Variants in OR52K1 observed in about 807,000 individuals in gnomAD.
OR52K1 encodes the protein olfactory receptor family 52 subfamily K member 1.
A neutral mutation model predicts 8.7 loss-of-function variants in OR52K1; 10 were observed. The ratio of observed to expected loss-of-function variants is 1.15; its 90% CI spans 0.71 to 1.95. OR52K1 has a LOEUF of 1.95. OR52K1 is among the 30% of genes most tolerant of loss of function. The pLI is 0.00. For synonymous variants in OR52K1, 203 were observed against 148.5 expected (o/e 1.37, Z -2.67); for missense variants, 431 against 397.2 (o/e 1.08, Z -0.72).
Position 4,489,401 on chromosome 11 carries a change from C to T in OR52K1, c.501C>T (p.Arg167=), listed in dbSNP as rs142554979. 6.8e-4 allele frequency: 1,101 copies of T among 1,614,172 alleles called. 11 individuals are homozygous for T. In the African/African-American group the frequency reaches 0.013, roughly 18 times the overall value. The change falls in exon 2 of 2, where the codon CGC becomes CGT. Residue 167 remains arginine (R), a synonymous_variant. Coordinates refer to ENST00000641528, the MANE Select transcript of OR52K1 (RefSeq NM_001005171.3). ...LMTPLPFLLR[R]FHYCRGPVIA... is the part of the protein sequence containing the mutation. The stretch of plus-strand genomic sequence containing the variant: ...CTCCACTCCCCTTCCTGCTCAGACG[C>T]TTCCACTACTGCCGAGGCCCAGTGA...
rs1013375166 is a variant in OR52K1 at position 4,491,974 on chromosome 11, A to T, written c.*2129A>T. On this transcript the variant is annotated 3_prime_UTR_variant, in exon 2 of 2. Transcript: ENST00000641528. Reference sequence around the variant, plus strand: ...TGGTGCAAAGATCGAATGGAAAGGAACAGAAAGACAAGAAGTTGCCTGGTC... The same window carrying T: ...TGGTGCAAAGATCGAATGGAAAGGATCAGAAAGACAAGAAGTTGCCTGGTC... The T allele has an allele frequency of 3.3e-5, 5 of 152,160 alleles. No homozygotes were observed. The highest frequency in any genetic ancestry group is 1.2e-4 in the African/African-American group (5 of 41,424). The allele number at this position is 152,160 out of a possible 1,614,324, so 9.4% of individuals were successfully genotyped here. A position where few individuals can be genotyped will look rare whatever the true frequency, so the allele number is the denominator to read the frequency against.
Position 4,489,760 on chromosome 11 carries a change from C to A in OR52K1, c.860C>A (p.Pro287His), listed in dbSNP as rs1280602964. ...GCTATTTTCTATCTCCTTTTCCCAC[C>A]CATGGTCAATCCTATCATATATGGA... ...LLAIFYLLFP[P>H]MVNPIIYGVK... Residue 287 changes from proline to histidine, a missense_variant, in exon 2 of 2, where the codon CCC becomes CAC. Coordinates refer to ENST00000641528, the MANE Select transcript of OR52K1 (RefSeq NM_001005171.3). The A allele has an allele frequency of 6.2e-7, 1 of 1,614,128 alleles. No individual in the cohort carries two copies. Among genetic ancestry groups the A allele is most frequent in the South Asian group, 1.1e-5 (1 of 91,088 alleles).
chr11:4,488,899 C>A lies in OR52K1; in HGVS notation c.-2C>A. 1.2e-6 allele frequency: 2 copies of A among 1,607,786 alleles called. No homozygotes were observed. The highest frequency in any genetic ancestry group is 1.1e-5 in the South Asian group (1 of 90,400). ...AAATTGACAAGGAGATTTCCAGGAG[C>A]CATGCTTCCCTCTAATATCACCTCA... On this transcript the variant is annotated 5_prime_UTR_variant, in exon 2 of 2. Transcript: ENST00000641528.
intron 1 of OR52K1, among the ~76,000 whole-genome samples, chr11:4,484,136 A>C (rs1160186202): frequency 6.6e-6 from 1 of 152,172 alleles, no homozygotes; most frequent in Non-Finnish European, 1.5e-5. Context: ...TTCCACACCT[A>C]TGTATGTTAG....
rs1478069668 is a variant in OR52K1 at position 4,488,736 on chromosome 11, T to C, written c.-165T>C. The C allele has an allele frequency of 3.3e-6, 2 of 606,064 alleles. No individual in the cohort carries two copies. Among genetic ancestry groups the C allele is most frequent in the Non-Finnish European group, 5.9e-6 (2 of 341,418 alleles). The allele number at this position is 606,064 out of a possible 1,614,324, so 37.5% of individuals were successfully genotyped here. A position where few individuals can be genotyped will look rare whatever the true frequency, so the allele number is the denominator to read the frequency against. ...AATATGGATTATACTTCTCCATGTC[T>C]ATGAAGGCTGCTAGGTTATTTTGTT... On this transcript the variant is annotated 5_prime_UTR_variant, in exon 2 of 2. Transcript: ENST00000641528.
At position 4,492,879 on chromosome 11, in the gene OR52K1, C is replaced by A. The variant is rs138257322; in HGVS notation, c.*3034C>A. ...ACCAGTACCACCAAGATGCAGAGAC[C>A]GGTAGTGGCCCCGAATGCCTGGCTG... On this transcript the variant is annotated 3_prime_UTR_variant, in exon 2 of 2. Transcript: ENST00000641528. The A allele has an allele frequency of 5.1e-6, 1 of 194,958 alleles. No individual in the cohort carries two copies. Among genetic ancestry groups the A allele is most frequent in the Non-Finnish European group, 1.0e-5 (1 of 99,562 alleles). The allele number at this position is 194,958 out of a possible 1,614,324, so 12.1% of individuals were successfully genotyped here. A position where few individuals can be genotyped will look rare whatever the true frequency, so the allele number is the denominator to read the frequency against.
At chr11:4,488,180 G>A (rs1239095565) in intron 1 of OR52K1, among the ~76,000 whole-genome samples, 2 of 152,220 alleles carry the variant, frequency 1.3e-5, no homozygotes, top group Non-Finnish European at 2.9e-5. Context: ...CTGAGAAGAT[G>A]TGAAAGATAT....
At position 4,490,018 on chromosome 11, in the gene OR52K1, T is replaced by G; in HGVS notation, c.*173T>G. On this transcript the variant is annotated 3_prime_UTR_variant, in exon 2 of 2. Transcript: ENST00000641528. The stretch of plus-strand genomic sequence containing the variant: ...TCTACGAGTCAGGTCAAACCAGGAG[T>G]GCACCTATAGTCTGGTCTGATAGTA... The G allele has an allele frequency of 1.6e-6, 1 of 609,656 alleles. No individual in the cohort carries two copies. Among genetic ancestry groups the G allele is most frequent in the Non-Finnish European group, 2.9e-6 (1 of 346,496 alleles). 37.8% of individuals were successfully genotyped at this position (609,656 alleles called of 1,614,324 possible).
chr11:4,490,241 A>C lies in OR52K1; in HGVS notation c.*396A>C, dbSNP rs573512627. 587 of 179,030 alleles carry C rather than the reference A, an allele frequency of 3.3e-3. 3 individuals are homozygous for C. The highest frequency in any genetic ancestry group is 0.013 in the African/African-American group (541 of 42,026). 11.1% of individuals were successfully genotyped at this position (179,030 alleles called of 1,614,324 possible). A position where few individuals can be genotyped will look rare whatever the true frequency, so the allele number is the denominator to read the frequency against. On this transcript the variant is annotated 3_prime_UTR_variant, in exon 2 of 2. Transcript: ENST00000641528. ...ATGTACCTCAAATTTTGTGACCCCA[A>C]AACCATTATTCCTTTTAGTACTGAA...
chr11:4,492,348 T>G lies in OR52K1; in HGVS notation c.*2503T>G, dbSNP rs1846384545. The G allele has an allele frequency of 6.6e-6, 1 of 152,300 alleles. No individual in the cohort carries two copies. Among genetic ancestry groups the G allele is most frequent in the African/African-American group, 2.4e-5 (1 of 41,558 alleles). The allele number at this position is 152,300 out of a possible 1,614,324, so 9.4% of individuals were successfully genotyped here. On this transcript the variant is annotated 3_prime_UTR_variant, in exon 2 of 2. Transcript: ENST00000641528. ...TTTCCCTCTACCAGAAGAATAAGCGTATCACAGCCTAGACTCATGATGAAG... is the reference window on the plus strand; with the variant it reads ...TTTCCCTCTACCAGAAGAATAAGCGGATCACAGCCTAGACTCATGATGAAG...
chr11:4,488,799 G>A lies in OR52K1; in HGVS notation c.-102G>A. The A allele has an allele frequency of 1.3e-6, 1 of 792,714 alleles. No homozygotes were observed. The highest frequency in any genetic ancestry group is 2.4e-5 in the East Asian group (1 of 40,862). The allele number at this position is 792,714 out of a possible 1,614,324, so 49.1% of individuals were successfully genotyped here. On this transcript the variant is annotated 5_prime_UTR_variant, in exon 2 of 2. Coordinates refer to ENST00000641528, the MANE Select transcript of OR52K1 (RefSeq NM_001005171.3). ...ATGGAAACAAGAGGTAATCTTTGCAGGTGGGATAGCACAGGTTGAACTCTA... is the reference window on the plus strand; with the variant it reads ...ATGGAAACAAGAGGTAATCTTTGCAAGTGGGATAGCACAGGTTGAACTCTA...
At position 4,489,469 on chromosome 11, in the gene OR52K1, CG is replaced by C. The variant is rs1846352476; in HGVS notation, c.570del (p.Cys191ValfsTer57). 1.2e-6 allele frequency: 2 copies of C among 1,614,136 alleles called. No individual in the cohort carries two copies. Among genetic ancestry groups the C allele is most frequent in the East Asian group, 2.2e-5 (1 of 44,886 alleles). ...GAACACATGGCTGTGGTAAGGCTGG[CG>C]TGTGGGGACACTAGCTTCAACAATA... ...YCEHMAVVRL[A>X]CGDTSFNNIY... On this transcript the variant is annotated frameshift_variant, in exon 2 of 2. Coordinates refer to ENST00000641528, the MANE Select transcript of OR52K1 (RefSeq NM_001005171.3). LOFTEE classifies it high-confidence loss of function.
rs550109403 is a variant in OR52K1, at chr11:4,483,092, G to A, written c.-413G>A. On this transcript the variant is annotated 5_prime_UTR_variant, in exon 1 of 2. Transcript: ENST00000641528. The stretch of plus-strand genomic sequence containing the variant: ...CTGTCATTGCTTTTTCTAACCCCTG[G>A]CAAATGCCCCATCCCAGTTAAAGGG... 92 of 398,410 alleles carry A rather than the reference G, an allele frequency of 2.3e-4. 2 individuals carry two copies. Among genetic ancestry groups the A allele is most frequent in the South Asian group, 1.8e-3 (14 of 7,848 alleles). The allele number at this position is 398,410 out of a possible 1,614,324, so 24.7% of individuals were successfully genotyped here.
rs1439717383 is a variant in OR52K1 at position 4,482,997 on chromosome 11, CAA to C, written c.-506_-505del. 2.5e-6 allele frequency: 1 copy of C among 395,552 alleles called. No homozygotes were observed. Among genetic ancestry groups the C allele is most frequent in the African/African-American group, 2.1e-5 (1 of 48,546 alleles). 24.5% of individuals were successfully genotyped at this position (395,552 alleles called of 1,614,324 possible). ...GAGGATGCCTGCTTCCGTCCTATGC[CAA>C]ACACTGTGGGCCATCTCCAAGAAGT... On this transcript the variant is annotated 5_prime_UTR_variant, in exon 1 of 2. It removes the in-frame stop codon of an upstream open reading frame in the 5' UTR. Coordinates refer to ENST00000641528, the MANE Select transcript of OR52K1 (RefSeq NM_001005171.3).
chr11:4,488,480 A>G (rs1313758012), intron 1 of OR52K1, 93 bp from the exon 2 acceptor site: 2 of 164,890 alleles, frequency 1.2e-5, no homozygotes, highest in Non-Finnish European at 2.7e-5. Flanking sequence ...TGGCTCTTGC[A>G]TTTGGGAATT....
At chr11:4,485,551 T>C (rs753216273) in intron 1 of OR52K1, among the ~76,000 whole-genome samples, 1 of 152,080 alleles carries the variant, frequency 6.6e-6, no homozygotes, top group Non-Finnish European at 1.5e-5. Context: ...TTCCTATATC[T>C]AACCTGTCAA....
rs988151257 is a variant in OR52K1, at chr11:4,492,419, C to A, written c.*2574C>A. The A allele has an allele frequency of 6.6e-6, 1 of 152,196 alleles. No individual in the cohort carries two copies. The highest frequency in any genetic ancestry group is 2.4e-5 in the African/African-American group (1 of 41,448). The allele number at this position is 152,196 out of a possible 1,614,324, so 9.4% of individuals were successfully genotyped here. ...TCTGACTCACTGCCTGTAGCATAGT[C>A]ATAACTGACCCACAGTGTTCATATA... On this transcript the variant is annotated 3_prime_UTR_variant, in exon 2 of 2. Transcript: ENST00000641528.
Position 4,488,694 on chromosome 11 carries a change from T to C in OR52K1, c.-207T>C. The stretch of plus-strand genomic sequence containing the variant: ...TCCCATCTACTCAATGAGATTCAAA[T>C]TTCTTTGAGGGTAGAAAATATGGAT... On this transcript the variant is annotated 5_prime_UTR_variant, in exon 2 of 2. Transcript: ENST00000641528. 2 of 555,258 alleles carry C rather than the reference T, an allele frequency of 3.6e-6. No individual in the cohort carries two copies. The highest frequency in any genetic ancestry group is 6.3e-6 in the Non-Finnish European group (2 of 315,030). 34.4% of individuals were successfully genotyped at this position (555,258 alleles called of 1,614,324 possible).
intron 1 of OR52K1, among the ~76,000 whole-genome samples, chr11:4,485,929 A>G (rs1250446794): frequency 6.6e-6 from 1 of 152,076 alleles, no homozygotes; most frequent in East Asian, 1.9e-4. Context: ...CTGCCTGCTG[A>G]TATTTGAATA....
Sources: gnomAD v4.1 joint callset for allele counts (sites outside exome capture counted in the v4.1 genomes callset) on GRCh38, gnomAD v4.1.1 for gene constraint, MANE v1.5 for transcripts, NCBI Gene and HGNC (gene_info 2026-07-23, HGNC 2026-07-21) for gene names.